The following PLPP1 variants were observed in gnomAD, a reference collection of about 807,000 sequenced individuals.
PLPP1 encodes the protein lipid phosphate phosphohydrolase 1a.
A neutral mutation model predicts 31.2 loss-of-function variants in PLPP1; 24 were observed. The ratio of observed to expected loss-of-function variants is 0.77; its 90% confidence interval spans 0.56 to 1.08. The LOEUF is 1.08. PLPP1 is among the 50% of genes least tolerant of loss of function. The pLI, the probability that PLPP1 is intolerant of heterozygous loss-of-function variation, is 0.00. For missense variants in PLPP1, 319 were observed against 342.7 expected (o/e 0.93, Z 0.55); for synonymous variants, 146 against 126.3 (o/e 1.16, Z -1.05).
At chr5:55,477,724 C>T (rs1016346918) in intron 1 of PLPP1, among the ~76,000 whole-genome samples, 8 of 152,006 alleles carry the variant, frequency 5.3e-5, no homozygotes, top group African/African-American at 1.2e-4. Flanking sequence ...TTAGTCTATA[C>T]AAAATAATTG....
chr5:55,445,164 T>C (rs1751732340), intron 3 of PLPP1, among the ~76,000 whole-genome samples: 1 of 152,166 alleles, frequency 6.6e-6, no homozygotes, highest in African/African-American at 2.4e-5. Flanking sequence ...ATCATGGCAT[T>C]GAGAGCATTC....
intron 1 of PLPP1, among the ~76,000 whole-genome samples, chr5:55,513,342 C>T (rs1178664472): frequency 6.8e-6 from 1 of 146,460 alleles, no homozygotes; most frequent in Non-Finnish European, 1.5e-5. Context: ...CTAACTGCAA[C>T]CTCTGCCTCC....
intron 2 of PLPP1, among the ~76,000 whole-genome samples, chr5:55,468,678 C>CT (rs1752356787): frequency 6.6e-6 from 1 of 152,032 alleles, no homozygotes; most frequent in Non-Finnish European, 1.5e-5. Flanking sequence ...AGGTGGGTGC[C>CT]TGTAATCCCA....
Position 55,534,634 on chromosome 5 carries a change from T to TCTGCCCGGG in PLPP1, c.-14_-6dup, listed in dbSNP as rs1740819966. ...CAGCCGCGTCTTGTCAAACATGGTC[T>TCTGCCCGGG]CTGCCCGGGCTGCCCGGCAAGGGCG... On this transcript the variant is annotated 5_prime_UTR_variant, in exon 1 of 6. Coordinates refer to ENST00000307259, the MANE Select transcript of PLPP1 (RefSeq NM_003711.4). 4 of 1,551,202 alleles carry TCTGCCCGGG rather than the reference T, an allele frequency of 2.6e-6. No homozygotes were observed. In the East Asian group the frequency reaches 1.0e-4, roughly 39 times the overall value.
At chr5:55,531,397 C>T (rs1740662465) in intron 1 of PLPP1, among the ~76,000 whole-genome samples, 1 of 152,192 alleles carries the variant, frequency 6.6e-6, no homozygotes, top group Non-Finnish European at 1.5e-5. Flanking sequence ...CTTCAACACA[C>T]ATCACCCACA....
chr5:55,439,290 T>A (rs1252392236), intron 4 of PLPP1, among the ~76,000 whole-genome samples: 1 of 152,216 alleles, frequency 6.6e-6, no homozygotes, highest in African/African-American at 2.4e-5. Context: ...TGCAGCCATA[T>A]TTCAACCACT....
intron 1 of PLPP1, among the ~76,000 whole-genome samples, chr5:55,524,690 A>T (rs1230927776): frequency 6.6e-6 from 1 of 152,090 alleles, no homozygotes; most frequent in Non-Finnish European, 1.5e-5. Context: ...GGCACCTGTA[A>T]TCCCAGCTAC....
intron 2 of PLPP1, among the ~76,000 whole-genome samples, chr5:55,472,352 C>T (rs1752433096): frequency 6.6e-6 from 1 of 152,120 alleles, no homozygotes; most frequent in African/African-American, 2.4e-5. Flanking sequence ...CCTATAATCC[C>T]AGCACTTTGG....
At chr5:55,479,755 C>T (rs139020397) in intron 1 of PLPP1, among the ~76,000 whole-genome samples, 17 of 152,282 alleles carry the variant, frequency 1.1e-4, no homozygotes, top group African/African-American at 3.9e-4. Flanking sequence ...TTTACTTAAT[C>T]TAGTTAGAAT....
At chr5:55,488,599 CTG>C (rs1192482213) in intron 1 of PLPP1, among the ~76,000 whole-genome samples, 1 of 151,414 alleles carries the variant, frequency 6.6e-6, no homozygotes, top group Admixed American at 6.6e-5. Flanking sequence ...TAAGTCGAGA[CTG>C]TGCCACTGCA....
intron 1 of PLPP1, among the ~76,000 whole-genome samples, chr5:55,529,912 T>C (rs2111959626): frequency 6.6e-6 from 1 of 152,352 alleles, no homozygotes; most frequent in South Asian, 2.1e-4. Flanking sequence ...ACAGGGATTC[T>C]CTTTCACCAT....
At chr5:55,438,811 G>C (rs1476291646) in intron 4 of PLPP1, among the ~76,000 whole-genome samples, 1 of 151,924 alleles carries the variant, frequency 6.6e-6, no homozygotes, top group Non-Finnish European at 1.5e-5. Flanking sequence ...TGAGGCAGGA[G>C]AATGGCGTGA....
intron 1 of PLPP1, among the ~76,000 whole-genome samples, chr5:55,479,736 A>G (rs1324859987): frequency 6.6e-6 from 1 of 152,210 alleles, no homozygotes; most frequent in Non-Finnish European, 1.5e-5. Context: ...CTTTTCAACA[A>G]AGCCCAATTT....
intron 1 of PLPP1, among the ~76,000 whole-genome samples, chr5:55,477,887 G>A (rs1408446474): frequency 6.6e-5 from 10 of 151,832 alleles, no homozygotes; most frequent in Admixed American, 6.6e-4. Context: ...GGCTGAGGCA[G>A]GAGAATCACT....
At chr5:55,475,500 CTAAT>C (rs1195600336) in intron 1 of PLPP1, 50 bp from the exon 2 acceptor site, 1 of 1,469,730 alleles carries the variant, frequency 6.8e-7, no homozygotes, top group Non-Finnish European at 9.2e-7. Flanking sequence ...AATATCAAAA[CTAAT>C]TAATGGCAAT....
intron 4 of PLPP1, among the ~76,000 whole-genome samples, chr5:55,431,308 C>T (rs1029622330): frequency 1.3e-5 from 2 of 152,172 alleles, no homozygotes; most frequent in African/African-American, 2.4e-5. Context: ...TATCAAGTCA[C>T]TTAGAAGGGG....
chr5:55,505,267 T>C (rs983705722), intron 1 of PLPP1, among the ~76,000 whole-genome samples: 32 of 152,192 alleles, frequency 2.1e-4, no homozygotes, highest in Admixed American at 1.6e-3. Context: ...TTTACACTTA[T>C]TGGCAATTGT....
At chr5:55,457,323 T>TA (rs1175368357) in intron 3 of PLPP1, among the ~76,000 whole-genome samples, 1 of 152,154 alleles carries the variant, frequency 6.6e-6, no homozygotes, top group Non-Finnish European at 1.5e-5. Flanking sequence ...GTAGAAATTT[T>TA]AAATAGGTAA....
intron 4 of PLPP1, among the ~76,000 whole-genome samples, chr5:55,430,688 AAT>A (rs1283370780): frequency 6.6e-6 from 1 of 152,236 alleles, no homozygotes; most frequent in African/African-American, 2.4e-5. Flanking sequence ...TGAAGAAGGA[AAT>A]ATGACACTTC....
Sources: gnomAD v4.1 joint callset for allele counts (sites outside exome capture counted in the v4.1 genomes callset) on GRCh38, gnomAD v4.1.1 for gene constraint, MANE v1.5 for transcripts, NCBI Gene and HGNC (gene_info 2026-07-23, HGNC 2026-07-21) for gene names.